GPC5: variants seen among roughly 807,000 people sequenced by gnomAD.
GPC5 encodes the protein glypican-5.
Under a neutral mutation model 53.9 loss-of-function variants are expected in GPC5, and 47 were observed. The ratio of observed to expected loss-of-function variants is 0.87; its 90% CI spans 0.69 to 1.11. GPC5 has a LOEUF of 1.11. Among genes scored for constraint, GPC5 ranks in the 50% most tolerant of loss-of-function variants. The pLI is 0.00. For missense variants in GPC5, 748 were observed against 713.1 expected (o/e 1.05, Z -0.56); for synonymous variants, 286 against 263.3 (o/e 1.09, Z -0.84).
At chr13:92,811,380 T>A (rs1446987294) in intron 7 of GPC5, among the ~76,000 whole-genome samples, 1 of 152,042 alleles carries the variant, frequency 6.6e-6, no homozygotes, top group Non-Finnish European at 1.5e-5. Flanking sequence ...TAATGAATAA[T>A]GATATTGAGT....
intron 2 of GPC5, among the ~76,000 whole-genome samples, chr13:91,501,097 G>C (rs1421676266): frequency 6.6e-6 from 1 of 152,124 alleles, no homozygotes; most frequent in Non-Finnish European, 1.5e-5. Flanking sequence ...TATTGGCAGT[G>C]TGAAAACAGG....
chr13:92,403,630 A>G (rs1875659063), intron 7 of GPC5, among the ~76,000 whole-genome samples: 1 of 152,196 alleles, frequency 6.6e-6, no homozygotes, highest in South Asian at 2.1e-4. Flanking sequence ...CTTCTATGAA[A>G]TTGGTCCTTG....
rs79519273 is a variant in GPC5, at chr13:91,430,243, G to A, written c.164-18518G>A. Among the ~76,000 whole-genome samples the A allele has an allele frequency of 7.5e-4, 114 of 152,222 alleles. 2 individuals are homozygous for A. In the East Asian group the frequency reaches 0.02, roughly 27 times the overall value. ...TTAGCACAAATATTTTTAAGGAGATGCCATGAGATTTATAACTGTTTGACC... is the reference window on the plus strand; with the variant it reads ...TTAGCACAAATATTTTTAAGGAGATACCATGAGATTTATAACTGTTTGACC... On this transcript the variant is annotated intron_variant, in intron 1 of 7. Transcript: ENST00000377067.
chr13:91,698,350 T>C (rs1410645347), intron 3 of GPC5, among the ~76,000 whole-genome samples: 1 of 152,188 alleles, frequency 6.6e-6, no homozygotes, highest in African/African-American at 2.4e-5. Flanking sequence ...TTGTATAATA[T>C]ATACTAACAT....
At chr13:92,715,204 C>T (rs1888288584) in intron 7 of GPC5, among the ~76,000 whole-genome samples, 2 of 152,150 alleles carry the variant, frequency 1.3e-5, no homozygotes, top group Admixed American at 1.3e-4. Flanking sequence ...GAGTGATCAG[C>T]ACAGGTTCCT....
chr13:91,679,796 T>C (rs1470937493), intron 2 of GPC5, among the ~76,000 whole-genome samples: 1 of 152,218 alleles, frequency 6.6e-6, no homozygotes, highest in African/African-American at 2.4e-5. Context: ...TACACATATT[T>C]TTCATGTTCT....
At chr13:92,397,050 T>C (rs1209181294) in intron 7 of GPC5, among the ~76,000 whole-genome samples, 1 of 152,218 alleles carries the variant, frequency 6.6e-6, no homozygotes, top group Non-Finnish European at 1.5e-5. Flanking sequence ...TAGCACTTGG[T>C]GGTGTACCTG....
intron 5 of GPC5, among the ~76,000 whole-genome samples, chr13:91,879,628 C>T (rs2039242957): frequency 6.6e-6 from 1 of 152,116 alleles, no homozygotes; most frequent in South Asian, 2.1e-4. Flanking sequence ...TTAATGAGGG[C>T]TCCTCCTTCA....
chr13:92,491,405 C>G (rs916366990), intron 7 of GPC5, among the ~76,000 whole-genome samples: 14 of 152,072 alleles, frequency 9.2e-5, no homozygotes, highest in African/African-American at 3.1e-4. Flanking sequence ...TAGAAATGTG[C>G]AATTAATAGG....
intron 2 of GPC5, among the ~76,000 whole-genome samples, chr13:91,580,544 C>T (rs1413300085): frequency 6.6e-6 from 1 of 152,158 alleles, no homozygotes; most frequent in African/African-American, 2.4e-5. Context: ...TTTGCTCTTA[C>T]TTCAATTTAC....
chr13:92,762,059 C>CTAAT (rs965284688), intron 7 of GPC5, among the ~76,000 whole-genome samples: 1 of 151,326 alleles, frequency 6.6e-6, no homozygotes, highest in Non-Finnish European at 1.5e-5. Flanking sequence ...AAAAAGAACA[C>CTAAT]TAATTAATAA....
intron 7 of GPC5, among the ~76,000 whole-genome samples, chr13:92,479,055 AT>A (rs1389657193): frequency 6.6e-6 from 1 of 152,140 alleles, no homozygotes; most frequent in African/African-American, 2.4e-5. Context: ...AATATTCTGT[AT>A]TATGTGGAGA....
chr13:92,117,693 A>G (rs1463879198), intron 6 of GPC5, among the ~76,000 whole-genome samples: 1 of 152,168 alleles, frequency 6.6e-6, no homozygotes, highest in Non-Finnish European at 1.5e-5. Context: ...AATTGTGCAC[A>G]TATTTTTGTA....
At chr13:91,778,619 C>A (rs1405847714) in intron 5 of GPC5, among the ~76,000 whole-genome samples, 1 of 152,198 alleles carries the variant, frequency 6.6e-6, no homozygotes, top group Admixed American at 6.5e-5. Context: ...CCTTCCAGAT[C>A]AACTTCAAGC....
chr13:92,684,845 G>A (rs571996793), intron 7 of GPC5, among the ~76,000 whole-genome samples: 34 of 152,166 alleles, frequency 2.2e-4, no homozygotes, highest in Middle Eastern at 3.4e-3. Flanking sequence ...ATACCATTTC[G>A]CATCCCCACT....
At chr13:91,724,226 CTTTG>C (rs943708642) in intron 3 of GPC5, among the ~76,000 whole-genome samples, 10 of 152,198 alleles carry the variant, frequency 6.6e-5, no homozygotes, top group African/African-American at 1.9e-4. Flanking sequence ...CCACAAACTA[CTTTG>C]TTTCTTATTT....
chr13:91,810,406 G>A (rs2038291637), intron 5 of GPC5, among the ~76,000 whole-genome samples: 1 of 151,890 alleles, frequency 6.6e-6, no homozygotes, highest in African/African-American at 2.4e-5. Flanking sequence ...ATAGTGCCAG[G>A]GAATGGTTGA....
Position 92,632,269 on chromosome 13 carries a change from G to T in GPC5, c.1562-234013G>T, listed in dbSNP as rs1314558364. Among the ~76,000 whole-genome samples, 3 of 152,014 alleles carry T rather than the reference G, an allele frequency of 2.0e-5. No homozygotes were observed. In the East Asian group the frequency reaches 5.8e-4, roughly 29 times the overall value. Reference sequence around the variant, plus strand: ...ATTATATATTTGATGATTAAGCTCAGATAGACTTGAAGACAGAAATTTCAT... The same window carrying T: ...ATTATATATTTGATGATTAAGCTCATATAGACTTGAAGACAGAAATTTCAT... On this transcript the variant is annotated intron_variant, in intron 7 of 7. Coordinates refer to ENST00000377067, the MANE Select transcript of GPC5 (RefSeq NM_004466.6).
intron 7 of GPC5, among the ~76,000 whole-genome samples, chr13:92,309,315 A>G (rs2043131048): frequency 6.6e-6 from 1 of 152,208 alleles, no homozygotes; most frequent in East Asian, 1.9e-4. Flanking sequence ...ATGTATAATT[A>G]TATGATTTCT....
Sources: allele counts gnomAD v4.1 joint callset (sites outside exome capture counted in the v4.1 genomes callset), GRCh38; gene constraint gnomAD v4.1.1; transcripts MANE v1.5; gene names NCBI Gene and HGNC (gene_info 2026-07-23, HGNC 2026-07-21).